The following LTBP3 variants were observed in gnomAD, a reference collection of about 807,000 sequenced individuals.
LTBP3 encodes the protein latent-transforming growth factor beta-binding protein 3.
In LTBP3, 97 loss-of-function variants were observed where a neutral mutation model predicts 159.7. The ratio of observed to expected loss-of-function variants is 0.61; its 90% CI spans 0.52 to 0.72. The LOEUF (loss-of-function observed/expected upper bound fraction) is 0.72, where lower values mean the gene tolerates loss of function less well. LTBP3 is among the 30% of genes least tolerant of loss of function. The pLI is 0.00. For missense variants in LTBP3, 1,584 were observed against 1,864.3 expected, an observed-to-expected ratio of 0.85 and a Z score of 2.77; for synonymous variants, 824 against 777.1, an observed-to-expected ratio of 1.06 and a Z score of -1.00.
In LTBP3 at chr11:65,546,646, T is replaced by C. The variant is rs1414189041; in HGVS notation, c.2231-82A>G. On this transcript the variant is annotated intron_variant, in intron 15 of 27. Coordinates refer to ENST00000301873, the MANE Select transcript of LTBP3 (RefSeq NM_001130144.3). This position sits in a 1 kb window ranked among gnomAD's most constrained non-coding sequence, Gnocchi z 4.0. ...CTCGCGGGGGTGTGGGTCTCTTCCCTGGAACGCGGGGTTGAGAGGGCAGCC... is the reference window on the plus strand; with the variant it reads ...CTCGCGGGGGTGTGGGTCTCTTCCCCGGAACGCGGGGTTGAGAGGGCAGCC... 1.3e-6 allele frequency: 2 copies of C among 1,584,870 alleles called. No homozygotes were observed. The highest frequency in any genetic ancestry group is 8.5e-7 in the Non-Finnish European group (1 of 1,173,416).
chr11:65,540,942 C>G lies in LTBP3; in HGVS notation c.2906G>C (p.Ser969Thr), dbSNP rs1856104774. The change falls in exon 21 of 28, where the codon AGC (serine) becomes ACC (threonine). Residue 969 changes from serine to threonine, a missense_variant. Physicochemically the swap from Ser to Thr is moderately conservative, Grantham distance 58. Coordinates refer to ENST00000301873, the MANE Select transcript of LTBP3 (RefSeq NM_001130144.3). ...CPVYSSAEFH[S>T]LCPDGKGYTQ... ...GTAGCCCTTTCCGTCTGGGCAGAGG[C>G]TGTGGAACTCGGCTGCAGGGGCAGG... The G allele has an allele frequency of 6.2e-7, 1 of 1,613,394 alleles. No individual in the cohort carries two copies. The highest frequency in any genetic ancestry group is 8.5e-7 in the Non-Finnish European group (1 of 1,179,740).
intron 1 of LTBP3, among the ~76,000 whole-genome samples, chr11:65,555,421 C>T (rs761537606): frequency 2.0e-5 from 3 of 152,160 alleles, no homozygotes; most frequent in Non-Finnish European, 4.4e-5. Context: ...AGGTCCCCCC[C>T]CTCTCTATAT....
At chr11:65,543,015 G>C in intron 18 of LTBP3, 90 bp downstream of exon 18, 1 of 1,515,964 alleles carries the variant, frequency 6.6e-7, no homozygotes, top group East Asian at 2.3e-5. Flanking sequence ...TTGGATGGGT[G>C]GATGGATGGA....
Position 65,553,863 on chromosome 11 carries a change from G to A in LTBP3, c.702C>T (p.His234=), listed in dbSNP as rs1255172327. The A allele has an allele frequency of 6.4e-7, 1 of 1,559,476 alleles. No homozygotes were observed. The highest frequency in any genetic ancestry group is 1.2e-5 in the South Asian group (1 of 86,588). The change falls in exon 3 of 28, where the codon CAC becomes CAT. Residue 234 remains histidine (H), a synonymous_variant. Coordinates refer to ENST00000301873, the MANE Select transcript of LTBP3 (RefSeq NM_001130144.3). The surrounding 1 kb of genome is among the most constrained non-coding windows in gnomAD (Gnocchi z 6.5). ...GCACCTGGACTGAGGCCTCGGGCGG[G>A]TGATGGACGCGCACATTCACCACGG... The part of the protein sequence containing the change: ...PPPVVNVRVH[H]PPEASVQVHR...
chr11:65,545,701 G>A, intron 16 of LTBP3: 1 of 224,922 alleles, frequency 4.4e-6, no homozygotes, highest in East Asian at 6.4e-5. Flanking sequence ...ACAATCAGCA[G>A]CAGGGAACGT....
chr11:65,539,817 G>A lies in LTBP3; in HGVS notation c.3450C>T (p.Gly1150=), dbSNP rs988974106. Residue 1150 remains glycine (G), a synonymous_variant, in exon 25 of 28, where the codon GGC becomes GGT. Transcript: ENST00000301873. ...SQRGEDGMCA[G]PLAGPALTFD... is the part of the protein sequence containing the mutation. ...AGGTGAGGGCAGGCCCGGCCAGGGG[G>A]CCAGCGCACATGCCGTCCTCTCCGC... 1.2e-4 allele frequency: 181 copies of A among 1,532,598 alleles called. No homozygotes were observed. Among genetic ancestry groups the A allele is most frequent in the Non-Finnish European group, 1.5e-4 (169 of 1,146,654 alleles). The allele number at this position is 1,532,598 out of a possible 1,614,324, so 94.9% of individuals were successfully genotyped here.
At chr11:65,551,615 T>C in intron 8 of LTBP3, 51 bp from the exon 9 acceptor site, 1 of 1,611,328 alleles carries the variant, frequency 6.2e-7, no homozygotes. Flanking sequence ...GAGAAGGGAG[T>C]CAGATCTGGG....
chr11:65,543,035 G>T (rs1056748695), intron 18 of LTBP3, 70 bp downstream of exon 18: 42 of 1,598,780 alleles, frequency 2.6e-5, no homozygotes, highest in Non-Finnish European at 3.3e-5. Context: ...ATGGAGAAAG[G>T]CCACAGTGTG....
rs764686952 is a variant in LTBP3, at chr11:65,552,422, G to A, written c.1187-16C>T. 5.0e-6 allele frequency: 8 copies of A among 1,611,214 alleles called. No homozygotes were observed. The Admixed American group carries it at 1.0e-4, about 20-fold the overall frequency. On this transcript the variant is annotated splice_polypyrimidine_tract_variant and intron_variant, in intron 6 of 27. Transcript: ENST00000301873. The surrounding 1 kb of genome is among the most constrained non-coding windows in gnomAD (Gnocchi z 6.0). The stretch of plus-strand genomic sequence containing the variant: ...GGTTTGTCTGCTGCAGGGGCCAGTG[G>A]GGGGCATGGGCATCTGAGCCTGCAC...
Position 65,551,986 on chromosome 11 carries a change from G to A in LTBP3, c.1517C>T (p.Thr506Ile), listed in dbSNP as rs1342575827. ...SPSQAPPPED[T>I]EEERGVTTDS... Reference sequence around the variant, plus strand: ...TCAGGCTAGACCTCTCTCTTCCTCTGTGTCCTCAGGTGGTGGAGCCTGGCT... The same window carrying A: ...TCAGGCTAGACCTCTCTCTTCCTCTATGTCCTCAGGTGGTGGAGCCTGGCT... Residue 506 changes from threonine (T) to isoleucine (I), a missense_variant, in exon 8 of 28, where the codon ACA becomes ATA. By Grantham distance (89) the Thr-to-Ile change is moderately conservative. Coordinates refer to ENST00000301873, the MANE Select transcript of LTBP3 (RefSeq NM_001130144.3). The A allele has an allele frequency of 6.2e-7, 1 of 1,614,072 alleles. No homozygotes were observed. The highest frequency in any genetic ancestry group is 8.5e-7 in the Non-Finnish European group (1 of 1,180,008).
chr11:65,545,610 C>T (rs922668915), intron 16 of LTBP3: 2 of 229,828 alleles, frequency 8.7e-6, no homozygotes, highest in Non-Finnish European at 1.7e-5. Context: ...CCAATATCAT[C>T]GTCTCATGGC....
chr11:65,543,608 G>A, intron 16 of LTBP3, 59 bp from the exon 17 acceptor site: 2 of 1,609,224 alleles, frequency 1.2e-6, no homozygotes, highest in Non-Finnish European at 1.7e-6. Flanking sequence ...TTCTACTACT[G>A]TTTTCTCACT....
Position 65,543,584 on chromosome 11 carries a change from G to A in LTBP3, c.2354-35C>T, listed in dbSNP as rs746334604. ...ATAGGGGGTGTCAGAGGACCAGGCT[G>A]GGTGGTCTTGGGTTTCTACTACTGT... On this transcript the variant is annotated intron_variant, in intron 16 of 27. Coordinates refer to ENST00000301873, the MANE Select transcript of LTBP3 (RefSeq NM_001130144.3). 2.5e-6 allele frequency: 4 copies of A among 1,613,646 alleles called. No individual in the cohort carries two copies. In the East Asian group the frequency reaches 6.7e-5, roughly 27 times the overall value.
Position 65,547,308 on chromosome 11 carries a change from C to T in LTBP3, c.2107+131G>A. 1 of 1,108,724 alleles carries T rather than the reference C, an allele frequency of 9.0e-7. No homozygotes were observed. Among genetic ancestry groups the T allele is most frequent in the South Asian group, 1.4e-5 (1 of 72,500 alleles). 68.7% of individuals were successfully genotyped at this position (1,108,724 alleles called of 1,614,324 possible). On this transcript the variant is annotated intron_variant, in intron 14 of 27. Transcript: ENST00000301873. This position sits in a 1 kb window ranked among gnomAD's most constrained non-coding sequence, Gnocchi z 4.6. ...GCAGTGAGCCAAGATCTCACCACCG[C>T]ACTCCAGCCTGGGCGACAGAGTGAG...
rs1856374784 is a variant in LTBP3 at position 65,546,506 on chromosome 11, C to T, written c.2289G>A (p.Pro763=). Residue 763 remains proline, a synonymous_variant, in exon 16 of 28, where the codon CCG becomes CCA. Coordinates refer to ENST00000301873, the MANE Select transcript of LTBP3 (RefSeq NM_001130144.3). This position sits in a 1 kb window ranked among gnomAD's most constrained non-coding sequence, Gnocchi z 4.0. ...PCSPGWCENL[P]GSFRCTCAQG... is the part of the protein sequence containing the mutation. ...GGGCACAGGTGCAGCGGAAGGAGCC[C>T]GGGAGGTTCTCGCACCAGCCAGGCG... The T allele has an allele frequency of 6.3e-7, 1 of 1,599,670 alleles. No individual in the cohort carries two copies.
Position 65,539,980 on chromosome 11 carries a change from C to A in LTBP3, c.3385+33G>T, listed in dbSNP as rs933844755. On this transcript the variant is annotated intron_variant, in intron 24 of 27. Transcript: ENST00000301873. ...CGGGGGCCACGTGACGGACAGGGCC[C>A]CGGGATCGGCCAAGGCCAACCCTCG... 2.7e-6 allele frequency: 4 copies of A among 1,461,216 alleles called. No individual in the cohort carries two copies. The Admixed American group carries it at 9.8e-5, about 36-fold the overall frequency. The allele number at this position is 1,461,216 out of a possible 1,614,324, so 90.5% of individuals were successfully genotyped here.
At position 65,557,610 on chromosome 11, in the gene LTBP3, C is replaced by A; in HGVS notation, c.331+19G>T. On this transcript the variant is annotated intron_variant, in intron 1 of 27. Transcript: ENST00000301873. ...GTGCCTGTCCTTCCCCTGCCCCCAG[C>A]CGTGCCCCCGGCCCTCACCCACGCG... is the stretch of plus-strand genomic sequence containing the variant. 6.2e-7 allele frequency: 1 copy of A among 1,606,882 alleles called. No homozygotes were observed. Among genetic ancestry groups the A allele is most frequent in the South Asian group, 1.1e-5 (1 of 91,040 alleles).
At chr11:65,549,380 C>T (rs1045887063) in intron 11 of LTBP3, among the ~76,000 whole-genome samples, 1 of 151,844 alleles carries the variant, frequency 6.6e-6, no homozygotes, top group Non-Finnish European at 1.5e-5. Flanking sequence ...AACCTGAATG[C>T]CCCTCCCTTC....
At position 65,558,296 on chromosome 11, in the gene LTBP3, G is replaced by T; in HGVS notation, c.-337C>A. The T allele has an allele frequency of 1.2e-6, 1 of 802,244 alleles. No individual in the cohort carries two copies. Among genetic ancestry groups the T allele is most frequent in the Non-Finnish European group, 1.5e-6 (1 of 646,816 alleles). 49.7% of individuals were successfully genotyped at this position (802,244 alleles called of 1,614,324 possible). ...CCGGCCCGCTCCGCGCCTCCCCCTG[G>T]CCGGGCTCCTCTCCCGCGGCCGCGG... On this transcript the variant is annotated 5_prime_UTR_variant, in exon 1 of 28. Transcript: ENST00000301873.
Sources: allele counts gnomAD v4.1 joint callset (sites outside exome capture counted in the v4.1 genomes callset), GRCh38; gene constraint gnomAD v4.1.1; non-coding constraint Gnocchi (gnomAD v3.1); transcripts MANE v1.5; gene names NCBI Gene and HGNC (gene_info 2026-07-23, HGNC 2026-07-21).